Variants in PHF3 observed in about 807,000 individuals in gnomAD.
PHF3 encodes the protein PHD finger protein 3.
A neutral mutation model predicts 178.4 loss-of-function variants in PHF3; 41 were observed. That is an observed-to-expected ratio of 0.23 (90% CI 0.18 to 0.30). The LOEUF (loss-of-function observed/expected upper bound fraction) is 0.30, where lower values mean the gene tolerates loss of function less well. Ranked by LOEUF, PHF3 falls within the 10% of genes least tolerant of loss-of-function variation. The pLI is 1.00. For missense variants in PHF3, 2,346 were observed against 2,398.1 expected (o/e 0.98, Z 0.45); for synonymous variants, 842 against 800.5 (o/e 1.05, Z -0.88).
intron 11 of PHF3, among the ~76,000 whole-genome samples, chr6:63,704,079 G>C (rs1182817388): frequency 6.6e-6 from 1 of 152,022 alleles, no homozygotes; most frequent in South Asian, 2.1e-4. Flanking sequence ...TTGTAAAAAA[G>C]CTTTTTATTT....
intron 4 of PHF3, 119 bp from the exon 5 acceptor site, chr6:63,691,618 A>T (rs1378573156): frequency 2.4e-6 from 2 of 834,828 alleles, no homozygotes; most frequent in African/African-American, 3.4e-5. Flanking sequence ...ACGGATAGAG[A>T]TGGAAAACAT....
At chr6:63,675,184 T>C (rs1408767334) in intron 2 of PHF3, among the ~76,000 whole-genome samples, 1 of 152,148 alleles carries the variant, frequency 6.6e-6, no homozygotes, top group Non-Finnish European at 1.5e-5. Context: ...ATGGATTTTA[T>C]GCCAAAATTT....
intron 12 of PHF3, 78 bp downstream of exon 12, chr6:63,706,302 G>C (rs1767690242): frequency 8.9e-7 from 1 of 1,120,530 alleles, no homozygotes; most frequent in Non-Finnish European, 1.3e-6. Flanking sequence ...TTCAAAAACA[G>C]AAAAGTGACA....
intron 2 of PHF3, among the ~76,000 whole-genome samples, chr6:63,663,944 A>G (rs921005037): frequency 6.6e-6 from 1 of 152,148 alleles, no homozygotes; most frequent in Non-Finnish European, 1.5e-5. Context: ...TGAAAGTTGT[A>G]TGTTCATTTC....
At chr6:63,677,649 T>C (rs1766228223) in intron 2 of PHF3, among the ~76,000 whole-genome samples, 1 of 152,174 alleles carries the variant, frequency 6.6e-6, no homozygotes, top group Admixed American at 6.5e-5. Flanking sequence ...TTTTGGATGG[T>C]TCTTTTTTTC....
chr6:63,712,403 G>A lies in PHF3; in HGVS notation c.4815G>A (p.Leu1605=). 6.2e-7 allele frequency: 1 copy of A among 1,613,892 alleles called. No homozygotes were observed. Among genetic ancestry groups the A allele is most frequent in the Non-Finnish European group, 8.5e-7 (1 of 1,179,906 alleles). ...RQLQEDQENN[L]QDNQTSNSSP... is the part of the protein sequence containing the mutation. ...TTCAGGAAGATCAAGAGAATAATTT[G>A]CAAGATAACCAGACTTCAAATAGTT... Residue 1605 remains leucine (L), a synonymous_variant, in exon 16 of 16, where the codon TTG becomes TTA. Coordinates refer to ENST00000262043, the MANE Select transcript of PHF3 (RefSeq NM_001370348.2).
intron 2 of PHF3, among the ~76,000 whole-genome samples, chr6:63,676,946 C>T (rs115094502): frequency 0.012 from 1,824 of 152,050 alleles, 30 homozygotes; most frequent in African/African-American, 0.042. Context: ...CAGGATATGC[C>T]GATAGCTTGG....
intron 2 of PHF3, among the ~76,000 whole-genome samples, chr6:63,666,342 T>A (rs1448637549): frequency 6.6e-6 from 1 of 152,144 alleles, no homozygotes; most frequent in African/African-American, 2.4e-5. Context: ...CTGACATTAT[T>A]CTTGAGTTCA....
chr6:63,722,087 G>A lies in PHF3; in HGVS notation c.*8379G>A, dbSNP rs573646074. Among the ~76,000 whole-genome samples the A allele has an allele frequency of 6.6e-6, 1 of 152,072 alleles. No homozygotes were observed. The highest frequency in any genetic ancestry group is 1.5e-5 in the Non-Finnish European group (1 of 68,000). On this transcript the variant is annotated 3_prime_UTR_variant, in exon 16 of 16. Coordinates refer to ENST00000262043, the MANE Select transcript of PHF3 (RefSeq NM_001370348.2). Reference sequence around the variant, plus strand: ...AAGTGAGGTTTTTCTTCAAATGAAAGCCTGTTCCTTATGATACCATTTAAT... The same window carrying A: ...AAGTGAGGTTTTTCTTCAAATGAAAACCTGTTCCTTATGATACCATTTAAT...
chr6:63,709,107 A>T, intron 13 of PHF3, 44 bp from the exon 14 acceptor site: 1 of 999,158 alleles, frequency 1.0e-6, no homozygotes, highest in South Asian at 1.7e-5. Context: ...CATAATAAAG[A>T]TAATCTATAT....
chr6:63,674,860 C>T (rs763068201), intron 2 of PHF3, among the ~76,000 whole-genome samples: 7 of 152,154 alleles, frequency 4.6e-5, no homozygotes, highest in Admixed American at 3.9e-4. Context: ...GCATAATTAA[C>T]GCATTCCAAA....
Position 63,720,864 on chromosome 6 carries a change from A to T in PHF3, c.*7156A>T. On this transcript the variant is annotated 3_prime_UTR_variant, in exon 16 of 16. Coordinates refer to ENST00000262043, the MANE Select transcript of PHF3 (RefSeq NM_001370348.2). ...TAGACTGTTATTTATGTAGGCCTTG[A>T]TAAGAGTCTGATTTTGAATTACAAC... 1 of 1,551,212 alleles carries T rather than the reference A, an allele frequency of 6.4e-7. No homozygotes were observed. Among genetic ancestry groups the T allele is most frequent in the Non-Finnish European group, 8.7e-7 (1 of 1,146,636 alleles).
At chr6:63,638,158 T>G (rs1482831693) in intron 1 of PHF3, among the ~76,000 whole-genome samples, 1 of 152,176 alleles carries the variant, frequency 6.6e-6, no homozygotes, top group East Asian at 1.9e-4. Flanking sequence ...TTTAATCATT[T>G]CAAACTATGT....
At position 63,705,971 on chromosome 6, in the gene PHF3, G is replaced by T. The variant is rs1767671314; in HGVS notation, c.3368-58G>T. The T allele has an allele frequency of 3.0e-6, 4 of 1,343,584 alleles. No homozygotes were observed. The Admixed American group carries it at 8.8e-5, about 29-fold the overall frequency. The allele number at this position is 1,343,584 out of a possible 1,614,324, so 83.2% of individuals were successfully genotyped here. A position where few individuals can be genotyped will look rare whatever the true frequency, so the allele number is the denominator to read the frequency against. On this transcript the variant is annotated intron_variant, in intron 11 of 15. Coordinates refer to ENST00000262043, the MANE Select transcript of PHF3 (RefSeq NM_001370348.2). ...GAATAACTTTAGAAAGTGAAAATGG[G>T]TTAAGTTATAAAAGTTGTAGTTAAC... is the stretch of plus-strand genomic sequence containing the variant.
chr6:63,708,722 C>T (rs1158583097), intron 13 of PHF3, among the ~76,000 whole-genome samples: 2 of 152,154 alleles, frequency 1.3e-5, no homozygotes, highest in African/African-American at 2.4e-5. Flanking sequence ...AAAATACACT[C>T]TGTAATTACA....
chr6:63,711,073 T>G, intron 14 of PHF3, 94 bp from the exon 15 acceptor site: 2 of 843,188 alleles, frequency 2.4e-6, no homozygotes, highest in Non-Finnish European at 3.5e-6. Context: ...CATTATAAAG[T>G]TCAATAGATT....
chr6:63,657,606 T>C (rs991601857), intron 2 of PHF3, among the ~76,000 whole-genome samples: 1 of 152,130 alleles, frequency 6.6e-6, no homozygotes, highest in Non-Finnish European at 1.5e-5. Flanking sequence ...TCTTCATGTT[T>C]AGTAGGTTGT....
At position 63,685,732 on chromosome 6, in the gene PHF3, A is replaced by G. The variant is rs1766668783; in HGVS notation, c.2010A>G (p.Leu670=). ...AACTGAAAAAACCTGAGAAGAACCT[A>G]CAACCCCGCCAAAGAAGAAGCAGCA... ...KLKLKKPEKN[L]QPRQRRSSKS... The change falls in exon 4 of 16, where the codon CTA becomes CTG. Residue 670 remains leucine, a synonymous_variant. Transcript: ENST00000262043. 1 of 1,614,140 alleles carries G rather than the reference A, an allele frequency of 6.2e-7. No homozygotes were observed. The highest frequency in any genetic ancestry group is 8.5e-7 in the Non-Finnish European group (1 of 1,180,034).
chr6:63,697,023 T>C (rs1767259247), intron 6 of PHF3, among the ~76,000 whole-genome samples: 1 of 152,116 alleles, frequency 6.6e-6, no homozygotes, highest in Non-Finnish European at 1.5e-5. Context: ...TATCATAGCA[T>C]GTTTGTAAGA....
Sources: allele counts gnomAD v4.1 joint callset (sites outside exome capture counted in the v4.1 genomes callset), GRCh38; gene constraint gnomAD v4.1.1; transcripts MANE v1.5; gene names NCBI Gene and HGNC (gene_info 2026-07-23, HGNC 2026-07-21).